The following DMXL2 variants were observed in gnomAD, a reference collection of about 807,000 sequenced individuals.
DMXL2 encodes the protein Dmx like 2.
A neutral mutation model predicts 331.1 loss-of-function variants in DMXL2; 103 were observed. That is an observed-to-expected ratio of 0.31 (90% confidence interval 0.27 to 0.37). DMXL2 has a LOEUF of 0.37. DMXL2 is among the 10% of genes least tolerant of loss of function. The pLI, the probability that DMXL2 is intolerant of heterozygous loss-of-function variation, is 1.00. For missense variants in DMXL2, 3,171 were observed against 3,642.9 expected, an observed-to-expected ratio of 0.87 and a Z score of 3.33; for synonymous variants, 1,281 against 1,252.1, an observed-to-expected ratio of 1.02 and a Z score of -0.49.
intron 18 of DMXL2, among the ~76,000 whole-genome samples, chr15:51,498,145 T>C (rs2140479487): frequency 6.6e-6 from 1 of 152,042 alleles, no homozygotes; most frequent in South Asian, 2.1e-4. Flanking sequence ...GAGGCTGAGA[T>C]AGGAAGATTA....
intron 19 of DMXL2, among the ~76,000 whole-genome samples, chr15:51,494,618 T>C (rs1345045143): frequency 2.0e-5 from 3 of 152,186 alleles, no homozygotes; most frequent in Non-Finnish European, 4.4e-5. Flanking sequence ...TCAACTTTAC[T>C]TGCTGGCAAA....
At position 51,448,756 on chromosome 15, in the gene DMXL2, C is replaced by A; in HGVS notation, c.*228G>T. 1.9e-6 allele frequency: 1 copy of A among 533,964 alleles called. No individual in the cohort carries two copies. The highest frequency in any genetic ancestry group is 3.1e-5 in the Admixed American group (1 of 32,012). 33.1% of individuals were successfully genotyped at this position (533,964 alleles called of 1,614,324 possible). On this transcript the variant is annotated 3_prime_UTR_variant, in exon 44 of 44. Coordinates refer to ENST00000560891, the MANE Select transcript of DMXL2 (RefSeq NM_001378457.1). ...GTTTGCTAAATGCTGTAAAGAATAGCTATCCTTCATACAATACTAGGTTTT... is the reference window on the plus strand; with the variant it reads ...GTTTGCTAAATGCTGTAAAGAATAGATATCCTTCATACAATACTAGGTTTT...
chr15:51,616,568 A>G (rs1773051827), intron 1 of DMXL2, among the ~76,000 whole-genome samples: 1 of 152,202 alleles, frequency 6.6e-6, no homozygotes, highest in African/African-American at 2.4e-5. Flanking sequence ...ATGCAAAAGG[A>G]TTCTACAAAC....
At chr15:51,520,792 G>T (rs190203826) in intron 13 of DMXL2, among the ~76,000 whole-genome samples, 1 of 152,148 alleles carries the variant, frequency 6.6e-6, no homozygotes, top group East Asian at 1.9e-4. Context: ...GGGAGGCAGA[G>T]GTTGCAGTGA....
intron 13 of DMXL2, among the ~76,000 whole-genome samples, chr15:51,525,991 C>T (rs2047650176): frequency 6.6e-6 from 1 of 151,636 alleles, no homozygotes; most frequent in Admixed American, 6.6e-5. Flanking sequence ...AGGCTTTGGG[C>T]AAGAACCAGT....
intron 7 of DMXL2, among the ~76,000 whole-genome samples, chr15:51,546,210 G>T (rs888402245): frequency 1.3e-4 from 20 of 151,972 alleles, no homozygotes; most frequent in Non-Finnish European, 1.9e-4. Flanking sequence ...ACTGTAAGGA[G>T]AATATAATTT....
At chr15:51,531,486 AG>A (rs1884355872) in intron 13 of DMXL2, among the ~76,000 whole-genome samples, 1 of 152,222 alleles carries the variant, frequency 6.6e-6, no homozygotes, top group Admixed American at 6.5e-5. Context: ...ACATTTCCTG[AG>A]TAATATATGA....
chr15:51,534,458 T>C (rs189126971), intron 13 of DMXL2, among the ~76,000 whole-genome samples: 23 of 152,232 alleles, frequency 1.5e-4, no homozygotes, highest in African/African-American at 5.5e-4. Context: ...ACAAAACAAA[T>C]AGCGTTTCAA....
chr15:51,472,333 C>T (rs2041194257), intron 28 of DMXL2, among the ~76,000 whole-genome samples: 1 of 152,134 alleles, frequency 6.6e-6, no homozygotes, highest in Non-Finnish European at 1.5e-5. Flanking sequence ...ATAACTAACA[C>T]CCTAGGATGA....
At chr15:51,590,487 T>G (rs958043306) in intron 1 of DMXL2, among the ~76,000 whole-genome samples, 1 of 152,198 alleles carries the variant, frequency 6.6e-6, no homozygotes, top group East Asian at 1.9e-4. Context: ...CTTGGAAGAT[T>G]TGTCTACTAT....
At chr15:51,518,692 A>C (rs1316040539) in intron 13 of DMXL2, among the ~76,000 whole-genome samples, 1 of 152,154 alleles carries the variant, frequency 6.6e-6, no homozygotes, top group African/African-American at 2.4e-5. Context: ...ACAGAGATTG[A>C]GGTGCTTCCA....
chr15:51,473,889 A>G (rs1268479719), intron 28 of DMXL2, among the ~76,000 whole-genome samples: 2 of 152,238 alleles, frequency 1.3e-5, no homozygotes, highest in Non-Finnish European at 1.5e-5. Flanking sequence ...TGGAATGGCT[A>G]TCTTGCACAT....
intron 29 of DMXL2, among the ~76,000 whole-genome samples, chr15:51,470,092 G>A (rs190381490): frequency 2.0e-5 from 3 of 152,246 alleles, no homozygotes; most frequent in South Asian, 2.1e-4. Context: ...AAGGAATGCC[G>A]ATGCTGCCGG....
chr15:51,521,504 G>A (rs2047381156), intron 13 of DMXL2, among the ~76,000 whole-genome samples: 1 of 150,638 alleles, frequency 6.6e-6, no homozygotes, highest in African/African-American at 2.4e-5. Context: ...ATTTTTTTCA[G>A]GTTAAATAAC....
chr15:51,516,889 G>C (rs575176777), intron 14 of DMXL2, among the ~76,000 whole-genome samples, 189 bp downstream of exon 14: 10 of 152,298 alleles, frequency 6.6e-5, no homozygotes, highest in South Asian at 4.1e-4. Context: ...AGAACATACA[G>C]TTCTTGGTTT....
At chr15:51,456,002 CACTT>C in intron 39 of DMXL2, 60 bp downstream of exon 39, 1 of 1,576,982 alleles carries the variant, frequency 6.3e-7, no homozygotes, top group South Asian at 1.1e-5. Flanking sequence ...GCACTTTTAT[CACTT>C]ACTCCTAAAT....
intron 13 of DMXL2, among the ~76,000 whole-genome samples, chr15:51,527,817 T>C (rs1703641802): frequency 6.6e-6 from 1 of 152,136 alleles, no homozygotes; most frequent in African/African-American, 2.4e-5. Flanking sequence ...AACTGTGGTG[T>C]GTAAATTGAT....
chr15:51,466,612 A>T (rs1034757493), intron 29 of DMXL2: 2 of 152,214 alleles, frequency 1.3e-5, no homozygotes, highest in Admixed American at 6.5e-5. Flanking sequence ...GATCAGCAAT[A>T]AATAGTTAGA....
intron 6 of DMXL2, among the ~76,000 whole-genome samples, chr15:51,551,102 A>G (rs1015926061): frequency 1.3e-5 from 2 of 151,634 alleles, no homozygotes; most frequent in African/African-American, 4.8e-5. Flanking sequence ...GAAGCAGAAC[A>G]GATTGTACCA....
Sources: allele counts gnomAD v4.1 joint callset (sites outside exome capture counted in the v4.1 genomes callset), GRCh38; gene constraint gnomAD v4.1.1; transcripts MANE v1.5; gene names NCBI Gene and HGNC (gene_info 2026-07-23, HGNC 2026-07-21).